The following SLC38A2 variants were observed in gnomAD, a reference collection of about 807,000 sequenced individuals.
SLC38A2 encodes sodium-coupled neutral amino acid symporter 2.
A neutral mutation model predicts 61.5 loss-of-function variants in SLC38A2; 11 were observed. That is an observed-to-expected ratio of 0.18 (90% confidence interval 0.11 to 0.30). SLC38A2 has a LOEUF of 0.30. SLC38A2 is among the 10% of genes least tolerant of loss of function. SLC38A2 has a pLI of 1.00. For synonymous variants in SLC38A2, 217 were observed against 212.5 expected (o/e 1.02, Z -0.18); for missense variants, 522 against 600.4 (o/e 0.87, Z 1.36).
intron 7 of SLC38A2, 65 bp from the exon 8 acceptor site, chr12:46,365,254 T>G: frequency 8.0e-7 from 1 of 1,256,482 alleles, no homozygotes; most frequent in Non-Finnish European, 1.2e-6. Context: ...ACACATCTTC[T>G]AACAGGACTC....
In SLC38A2 at chr12:46,370,818, T is replaced by C. The variant is rs1474522110; in HGVS notation, c.156A>G (p.Leu52=). The C allele has an allele frequency of 6.2e-7, 1 of 1,612,556 alleles. No homozygotes were observed. Among genetic ancestry groups the C allele is most frequent in the African/African-American group, 1.3e-5 (1 of 74,866 alleles). ...TCTTCTTCCCCAAATTCGATTCAAGTAAAAAGTTCTGGTTTTCAGGATCTA... is the reference window on the plus strand; with the variant it reads ...TCTTCTTCCCCAAATTCGATTCAAGCAAAAAGTTCTGGTTTTCAGGATCTA... The part of the protein sequence containing the change: ...ADVDPENQNF[L]LESNLGKKKY... Residue 52 remains leucine, a synonymous_variant, in exon 3 of 16, where the codon TTA becomes TTG. Transcript: ENST00000256689.
rs886743659 is a variant in SLC38A2 at position 46,362,911 on chromosome 12, C to T, written c.1179+110G>A. Reference sequence around the variant, plus strand: ...AAAGCCCCTTCAAAACCACCACCAACTTAGTATTGTTCTACTGGTGTTTCC... The same window carrying T: ...AAAGCCCCTTCAAAACCACCACCAATTTAGTATTGTTCTACTGGTGTTTCC... On this transcript the variant is annotated intron_variant, in intron 13 of 15. Coordinates refer to ENST00000256689, the MANE Select transcript of SLC38A2 (RefSeq NM_018976.5). The T allele has an allele frequency of 7.2e-6, 10 of 1,384,520 alleles. No homozygotes were observed. The Admixed American group carries it at 2.2e-4, about 30-fold the overall frequency. The allele number at this position is 1,384,520 out of a possible 1,614,324, so 85.8% of individuals were successfully genotyped here. A position where few individuals can be genotyped will look rare whatever the true frequency, so the allele number is the denominator to read the frequency against.
intron 8 of SLC38A2, 101 bp from the exon 9 acceptor site, chr12:46,364,803 T>C (rs773073874): frequency 8.5e-7 from 1 of 1,177,196 alleles, no homozygotes; most frequent in African/African-American, 1.6e-5. Context: ...GGGAAGACTT[T>C]AGGCACTAAA....
intron 4 of SLC38A2, among the ~76,000 whole-genome samples, chr12:46,367,817 C>A (rs1046911608): frequency 6.6e-6 from 1 of 152,084 alleles, no homozygotes; most frequent in Non-Finnish European, 1.5e-5. Flanking sequence ...GTTTTAAGAC[C>A]ACATGGACCG....
At chr12:46,361,607 C>G (rs1033616728) in intron 15 of SLC38A2, among the ~76,000 whole-genome samples, 1 of 152,096 alleles carries the variant, frequency 6.6e-6, no homozygotes, top group Non-Finnish European at 1.5e-5. Context: ...AATACTAATT[C>G]CTAAATCCTA....
rs1943148874 is a variant in SLC38A2, at chr12:46,367,273, C to G, written c.382G>C (p.Glu128Gln). The G allele has an allele frequency of 4.4e-6, 7 of 1,595,488 alleles. No homozygotes were observed. Among genetic ancestry groups the G allele is most frequent in the Non-Finnish European group, 6.0e-6 (7 of 1,163,400 alleles). ...SVHLLLKTANEGGSLLYEQLG... is the reference protein window; with the variant it reads ...SVHLLLKTANQGGSLLYEQLG... ...ATCAAGAATGCTATCATACCTCCTT[C>G]ATTGGCAGTCTTCAAAAGGAGATGA... Residue 128 changes from glutamate to glutamine, a missense_variant, in exon 5 of 16, where the codon GAA (glutamate) becomes CAA (glutamine). Glu to Gln is a conservative substitution (Grantham distance 29, BLOSUM62 2). This residue lies in a region of SLC38A2 where 111 missense variants were observed against 173.4 expected (regional missense o/e 0.64). Coordinates refer to ENST00000256689, the MANE Select transcript of SLC38A2 (RefSeq NM_018976.5).
chr12:46,361,138 T>A lies in SLC38A2; in HGVS notation c.1494A>T (p.Val498=). The A allele has an allele frequency of 1.9e-6, 3 of 1,613,556 alleles. No homozygotes were observed. The highest frequency in any genetic ancestry group is 2.5e-6 in the Non-Finnish European group (3 of 1,179,668). ...AATGGCCACCTCCAGGTGCATTGTG[T>A]ACCCAATCCAAAACAATCAAGGCCA... The part of the protein sequence containing the change: ...GSMALIVLDW[V]HNAPGGGH Residue 498 remains valine (V), a synonymous_variant, in exon 16 of 16, where the codon GTA becomes GTT. Coordinates refer to ENST00000256689, the MANE Select transcript of SLC38A2 (RefSeq NM_018976.5).
At position 46,359,500 on chromosome 12, in the gene SLC38A2, A is replaced by G. The variant is rs1430317270; in HGVS notation, c.*1611T>C. The G allele has an allele frequency of 3.9e-5, 6 of 152,632 alleles. No individual in the cohort carries two copies. Among genetic ancestry groups the G allele is most frequent in the Non-Finnish European group, 7.4e-5 (5 of 68,026 alleles). 9.5% of individuals were successfully genotyped at this position (152,632 alleles called of 1,614,324 possible). A position where few individuals can be genotyped will look rare whatever the true frequency, so the allele number is the denominator to read the frequency against. On this transcript the variant is annotated 3_prime_UTR_variant, in exon 16 of 16. Transcript: ENST00000256689. ...CTCCACATTTCTGGCCCTTGCCCCA[A>G]ACAACATTTTTAGTTCAAGGGCAAA...
At position 46,366,882 on chromosome 12, in the gene SLC38A2, T is replaced by A; in HGVS notation, c.545A>T (p.Asn182Ile). ...CACCTACCCAGTTTTATCTTCAATG[T>A]TCGTTAATGCCTGGATCACCAAAGG... ...ELPLVIQALTNIEDKTGLWYL... is the reference protein window; with the variant it reads ...ELPLVIQALTIIEDKTGLWYL... Residue 182 changes from asparagine (N) to isoleucine (I), a missense_variant, in exon 7 of 16, where the codon AAC becomes ATC. Asn to Ile is a moderately radical substitution (Grantham distance 149, BLOSUM62 -3). Transcript: ENST00000256689. 1 of 1,613,452 alleles carries A rather than the reference T, an allele frequency of 6.2e-7. No individual in the cohort carries two copies. The highest frequency in any genetic ancestry group is 8.5e-7 in the Non-Finnish European group (1 of 1,179,816).
chr12:46,365,510 T>A (rs1257659957), intron 7 of SLC38A2, among the ~76,000 whole-genome samples: 1 of 152,162 alleles, frequency 6.6e-6, no homozygotes, highest in Non-Finnish European at 1.5e-5. Context: ...AGCTTGTTTG[T>A]TAAGCCAGTA....
At position 46,363,133 on chromosome 12, in the gene SLC38A2, G is replaced by A. The variant is rs935271380; in HGVS notation, c.1067C>T (p.Ser356Leu). The A allele has an allele frequency of 6.2e-7, 1 of 1,612,204 alleles. No homozygotes were observed. Among genetic ancestry groups the A allele is most frequent in the African/African-American group, 1.3e-5 (1 of 74,794 alleles). Residue 356 changes from serine (S) to leucine (L), a missense_variant, in exon 13 of 16, where the codon TCA (serine) becomes TTA (leucine). Physicochemically the swap from Ser to Leu is moderately radical, Grantham distance 145 (BLOSUM62 -2). This residue lies in a region of SLC38A2 where 309 missense variants were observed against 343.9 expected (regional missense o/e 0.90). Coordinates refer to ENST00000256689, the MANE Select transcript of SLC38A2 (RefSeq NM_018976.5). ...GYLTFYEHVE[S>L]ELLHTYSSIL... ...AGAAGAGTAGGTATGAAGCAATTCTGACTCAACATGTTCTACAGGGAAAGA... is the reference window on the plus strand; with the variant it reads ...AGAAGAGTAGGTATGAAGCAATTCTAACTCAACATGTTCTACAGGGAAAGA...
rs779052223 is a variant in SLC38A2, at chr12:46,363,792, T to C, written c.988A>G (p.Ile330Val). 1 of 1,596,912 alleles carries C rather than the reference T, an allele frequency of 6.3e-7. No homozygotes were observed. Among genetic ancestry groups the C allele is most frequent in the East Asian group, 2.3e-5 (1 of 44,426 alleles). Reference sequence around the variant, plus strand: ...ATGAGAAACATAGCAAAAAATGAAATCTTGGACACATTCATCATTCTTCTA... The same window carrying C: ...ATGAGAAACATAGCAAAAAATGAAACCTTGGACACATTCATCATTCTTCTA... ...SRRRMMNVSK[I>V]SFFAMFLMYL... Residue 330 changes from isoleucine (I) to valine (V), a missense_variant, in exon 12 of 16, where the codon ATT (isoleucine) becomes GTT (valine). Coordinates refer to ENST00000256689, the MANE Select transcript of SLC38A2 (RefSeq NM_018976.5).
At chr12:46,365,360 T>G in intron 7 of SLC38A2, 171 bp from the exon 8 acceptor site, 1 of 634,350 alleles carries the variant, frequency 1.6e-6, no homozygotes, top group Non-Finnish European at 2.8e-6. Flanking sequence ...TAATTTTGTG[T>G]GCTAGATGAA....
Position 46,360,329 on chromosome 12 carries a change from G to C in SLC38A2, c.*782C>G, listed in dbSNP as rs958039829. On this transcript the variant is annotated 3_prime_UTR_variant, in exon 16 of 16. Transcript: ENST00000256689. ...CAGTCTGAATGAACCAAATTGTTTG[G>C]GGACAGAGAAGAAAAGTGATGAACA... is the stretch of plus-strand genomic sequence containing the variant. 1 of 152,360 alleles carries C rather than the reference G, an allele frequency of 6.6e-6. No homozygotes were observed. The highest frequency in any genetic ancestry group is 1.5e-5 in the Non-Finnish European group (1 of 68,008). The allele number at this position is 152,360 out of a possible 1,614,324, so 9.4% of individuals were successfully genotyped here. A position where few individuals can be genotyped will look rare whatever the true frequency, so the allele number is the denominator to read the frequency against.
chr12:46,371,512 G>A (rs943853846), intron 1 of SLC38A2, 133 bp from the exon 2 acceptor site: 5 of 518,822 alleles, frequency 9.6e-6, no homozygotes, highest in Non-Finnish European at 1.7e-5. Flanking sequence ...CGCGCGAGGG[G>A]CGGGGGCGCG....
At position 46,367,301 on chromosome 12, in the gene SLC38A2, A is replaced by C. The variant is rs771423419; in HGVS notation, c.354T>G (p.Ser118=). ...LTFVSIFSLY[S]VHLLLKTANE... ...TGGCAGTCTTCAAAAGGAGATGAACAGAATACAGGGAAAATATTGACACAA... is the reference window on the plus strand; with the variant it reads ...TGGCAGTCTTCAAAAGGAGATGAACCGAATACAGGGAAAATATTGACACAA... The change falls in exon 5 of 16, where the codon TCT becomes TCG. Residue 118 remains serine, a synonymous_variant. Coordinates refer to ENST00000256689, the MANE Select transcript of SLC38A2 (RefSeq NM_018976.5). 6.2e-7 allele frequency: 1 copy of C among 1,602,230 alleles called. No homozygotes were observed. The highest frequency in any genetic ancestry group is 8.6e-7 in the Non-Finnish European group (1 of 1,169,476).
chr12:46,370,342 T>C (rs1372660751), intron 4 of SLC38A2, among the ~76,000 whole-genome samples, 170 bp downstream of exon 4: 1 of 152,260 alleles, frequency 6.6e-6, no homozygotes, highest in African/African-American at 2.4e-5. Flanking sequence ...CTTGATATTG[T>C]GCAGTATGTA....
rs765691073 is a variant in SLC38A2, at chr12:46,361,162, C to T, written c.1470G>A (p.Met490Ile). The T allele has an allele frequency of 1.2e-6, 2 of 1,613,526 alleles. No individual in the cohort carries two copies. The highest frequency in any genetic ancestry group is 1.1e-5 in the South Asian group (1 of 91,062). ...GTACCCAATCCAAAACAATCAAGGC[C>T]ATGCTTCCGGTCATCACCAGTACAC... ...LSGVLVMTGSMALIVLDWVHN... is the reference protein window; with the variant it reads ...LSGVLVMTGSIALIVLDWVHN... Residue 490 changes from methionine (M) to isoleucine (I), a missense_variant, in exon 16 of 16, where the codon ATG becomes ATA. Coordinates refer to ENST00000256689, the MANE Select transcript of SLC38A2 (RefSeq NM_018976.5).
In SLC38A2 at chr12:46,371,397, G is replaced by A; in HGVS notation, c.-86-18C>T. The A allele has an allele frequency of 3.3e-6, 3 of 907,006 alleles. No individual in the cohort carries two copies. The highest frequency in any genetic ancestry group is 1.5e-5 in the South Asian group (1 of 68,434). The allele number at this position is 907,006 out of a possible 1,614,324, so 56.2% of individuals were successfully genotyped here. A position where few individuals can be genotyped will look rare whatever the true frequency, so the allele number is the denominator to read the frequency against. On this transcript the variant is annotated intron_variant, in intron 1 of 15. Coordinates refer to ENST00000256689, the MANE Select transcript of SLC38A2 (RefSeq NM_018976.5). Reference sequence around the variant, plus strand: ...GAGTCGGCCTGCGAAAGTAGAGGCGGCGCGTCAGGACCGCAGCGCCAGCCC... The same window carrying A: ...GAGTCGGCCTGCGAAAGTAGAGGCGACGCGTCAGGACCGCAGCGCCAGCCC...
Sources: gnomAD v4.1 joint callset for allele counts (sites outside exome capture counted in the v4.1 genomes callset) on GRCh38, gnomAD v4.1.1 for gene constraint, gnomAD v4.1.1 regional missense constraint, MANE v1.5 for transcripts, NCBI Gene and HGNC (gene_info 2026-07-23, HGNC 2026-07-21) for gene names.